The following FAM171B variants were observed in gnomAD, a reference collection of about 807,000 sequenced individuals.
FAM171B encodes family with sequence similarity 171 member B.
FAM171B carries 19 observed loss-of-function variants against 75.6 expected under a neutral mutation model. The observed-to-expected ratio is 0.25, with a 90% CI of 0.18 to 0.37. FAM171B has a LOEUF of 0.37. Ranked by LOEUF, FAM171B falls within the 10% of genes least tolerant of loss-of-function variation. The pLI, the probability that FAM171B is intolerant of heterozygous loss-of-function variation, is 1.00. For missense variants in FAM171B, 848 were observed against 982.4 expected (o/e 0.86, Z 1.83); for synonymous variants, 367 against 361.7 (o/e 1.01, Z -0.17).
At chr2:186,752,782 T>G (rs1201718232) in intron 5 of FAM171B, among the ~76,000 whole-genome samples, 3 of 152,206 alleles carry the variant, frequency 2.0e-5, no homozygotes, top group African/African-American at 7.2e-5. Context: ...AATACTTTTT[T>G]ACATGTTATA....
intron 1 of FAM171B, among the ~76,000 whole-genome samples, chr2:186,737,071 T>C (rs752862913): frequency 1.3e-5 from 2 of 152,230 alleles, no homozygotes; most frequent in Non-Finnish European, 2.9e-5. Context: ...GCTAACTATT[T>C]TCCTGATTTT....
chr2:186,756,543 C>G (rs1574113956), intron 6 of FAM171B, among the ~76,000 whole-genome samples: 1 of 152,152 alleles, frequency 6.6e-6, no homozygotes, highest in South Asian at 2.1e-4. Context: ...AAGGTGCTGT[C>G]AGGGTTGGTG....
intron 1 of FAM171B, among the ~76,000 whole-genome samples, chr2:186,734,013 C>T (rs982198283): frequency 1.3e-5 from 2 of 152,088 alleles, no homozygotes; most frequent in African/African-American, 4.8e-5. Flanking sequence ...TCTTTCAGTC[C>T]CACCATTCAA....
chr2:186,741,991 A>G (rs1160172739), intron 2 of FAM171B, among the ~76,000 whole-genome samples: 1 of 152,176 alleles, frequency 6.6e-6, no homozygotes, highest in East Asian at 1.9e-4. Context: ...TGGGTTAAAA[A>G]TGTTATGAAA....
intron 1 of FAM171B, among the ~76,000 whole-genome samples, chr2:186,727,684 G>A (rs1690056606): frequency 6.6e-6 from 1 of 152,080 alleles, no homozygotes; most frequent in Non-Finnish European, 1.5e-5. Context: ...GACTGGAAAG[G>A]GAGGTGACGG....
intron 1 of FAM171B, 68 bp from the exon 2 acceptor site, chr2:186,740,160 C>A: frequency 9.1e-7 from 1 of 1,096,318 alleles, no homozygotes; most frequent in Non-Finnish European, 1.4e-6. Context: ...TGTTGAATGA[C>A]ATTTAAAGAC....
chr2:186,732,705 A>G (rs1199556761), intron 1 of FAM171B, among the ~76,000 whole-genome samples: 3 of 152,180 alleles, frequency 2.0e-5, no homozygotes, highest in Admixed American at 1.3e-4. Context: ...GGCTGTCTGC[A>G]TGTGCAGTGG....
At chr2:186,719,771 A>G (rs1384207668) in intron 1 of FAM171B, among the ~76,000 whole-genome samples, 1 of 152,230 alleles carries the variant, frequency 6.6e-6, no homozygotes, top group Non-Finnish European at 1.5e-5. Flanking sequence ...AATGCACATC[A>G]AGAAGCTATG....
rs145956835 is a variant in FAM171B at position 186,761,817 on chromosome 2, A to C, written c.1475A>C (p.Lys492Thr). 721 of 1,613,216 alleles carry C rather than the reference A, an allele frequency of 4.5e-4. 6 individuals carry two copies. The South Asian group carries it at 7.6e-3, about 17-fold the overall frequency. Residue 492 changes from lysine to threonine, a missense_variant, in exon 8 of 8, where the codon AAA (lysine) becomes ACA (threonine). By Grantham distance (78) the Lys-to-Thr change is moderately conservative. This residue lies in a region of FAM171B where 665 missense variants were observed against 729.0 expected (regional missense o/e 0.91). Coordinates refer to ENST00000304698, the MANE Select transcript of FAM171B (RefSeq NM_177454.4). The part of the protein sequence containing the change: ...TQSLEPNVGS[K>T]QPKHINNNLS... Reference sequence around the variant, plus strand: ...TCTTTGGAGCCCAATGTAGGGTCCAAACAACCTAAACATATTAACAACAAT... The same window carrying C: ...TCTTTGGAGCCCAATGTAGGGTCCACACAACCTAAACATATTAACAACAAT...
intron 1 of FAM171B, among the ~76,000 whole-genome samples, chr2:186,717,075 CCTGT>C (rs1392350184): frequency 6.6e-6 from 1 of 152,040 alleles, no homozygotes; most frequent in African/African-American, 2.4e-5. Flanking sequence ...GGATTAGAAC[CCTGT>C]CTGTTTGGCT....
At chr2:186,760,101 T>C (rs577064464) in intron 6 of FAM171B, among the ~76,000 whole-genome samples, 1 of 152,280 alleles carries the variant, frequency 6.6e-6, no homozygotes, top group Admixed American at 6.5e-5. Flanking sequence ...ACTGTAGATG[T>C]ATGGATTTAT....
At chr2:186,750,896 A>G (rs1690442987) in intron 4 of FAM171B, among the ~76,000 whole-genome samples, 1 of 152,184 alleles carries the variant, frequency 6.6e-6, no homozygotes, top group African/African-American at 2.4e-5. Context: ...CCCTTACATC[A>G]GATGACTTAG....
intron 1 of FAM171B, among the ~76,000 whole-genome samples, chr2:186,701,736 C>T (rs1440233730): frequency 6.6e-6 from 1 of 152,180 alleles, no homozygotes; most frequent in East Asian, 1.9e-4. Flanking sequence ...AAAACATATG[C>T]CATTGTGTTG....
intron 1 of FAM171B, among the ~76,000 whole-genome samples, chr2:186,696,690 C>T (rs1689586298): frequency 6.6e-6 from 1 of 151,796 alleles, no homozygotes. Context: ...GGCCTTTGCA[C>T]TTGCCATTTT....
Position 186,765,190 on chromosome 2 carries a change from C to G in FAM171B, c.*2367C>G, listed in dbSNP as rs975180644. On this transcript the variant is annotated 3_prime_UTR_variant, in exon 8 of 8. Transcript: ENST00000304698. ...TGAAACCATCTACTTTTTCTTAACC[C>G]AAGTGATAATAAACAATATTCACAA... 6.6e-6 allele frequency: 1 copy of G among 151,828 alleles called. No homozygotes were observed. Among genetic ancestry groups the G allele is most frequent in the Non-Finnish European group, 1.5e-5 (1 of 67,878 alleles). The allele number at this position is 151,828 out of a possible 1,614,324, so 9.4% of individuals were successfully genotyped here.
At chr2:186,747,639 C>T (rs934447664) in intron 4 of FAM171B, among the ~76,000 whole-genome samples, 3 of 151,334 alleles carry the variant, frequency 2.0e-5, no homozygotes, top group Non-Finnish European at 4.4e-5. Context: ...CATTTTTATC[C>T]AACTGATGAG....
At chr2:186,724,384 C>T (rs1309909682) in intron 1 of FAM171B, among the ~76,000 whole-genome samples, 1 of 152,200 alleles carries the variant, frequency 6.6e-6, no homozygotes, top group East Asian at 1.9e-4. Context: ...AATGTGTCCA[C>T]ATGACCAATG....
At chr2:186,695,998 A>G (rs1051188644) in intron 1 of FAM171B, among the ~76,000 whole-genome samples, 1 of 17,994 alleles carries the variant, frequency 5.6e-5, no homozygotes, top group Non-Finnish European at 1.6e-4. Flanking sequence ...CTACTGTAAT[A>G]TATATATATA....
chr2:186,704,871 G>A (rs1030152545), intron 1 of FAM171B, among the ~76,000 whole-genome samples: 2 of 152,230 alleles, frequency 1.3e-5, no homozygotes, highest in Non-Finnish European at 2.9e-5. Context: ...AGGGAGTCAG[G>A]TAAGTCAACA....
Sources: gnomAD v4.1 joint callset for allele counts (sites outside exome capture counted in the v4.1 genomes callset) on GRCh38, gnomAD v4.1.1 for gene constraint, gnomAD v4.1.1 regional missense constraint, MANE v1.5 for transcripts, NCBI Gene and HGNC (gene_info 2026-07-23, HGNC 2026-07-21) for gene names.